WWOX: variants seen among roughly 807,000 people sequenced by gnomAD.
The protein encoded by WWOX is WW domain-containing oxidoreductase.
In WWOX, 69 loss-of-function variants were observed where a neutral mutation model predicts 46.2. The ratio of observed to expected loss-of-function variants is 1.49; its 90% CI spans 1.23 to 1.82. The LOEUF (loss-of-function observed/expected upper bound fraction) is 1.82, where lower values mean the gene tolerates loss of function less well. Among genes scored for constraint, WWOX ranks in the 40% most tolerant of loss-of-function variants. The pLI is 0.00. For missense variants in WWOX, 919 were observed against 542.6 expected, an observed-to-expected ratio of 1.69 and a Z score of -6.89; for synonymous variants, 359 against 202.6, an observed-to-expected ratio of 1.77 and a Z score of -6.56.
intron 8 of WWOX, chr16:79,110,975 T>C (rs2049405843): frequency 6.6e-6 from 1 of 152,242 alleles, no homozygotes; most frequent in Non-Finnish European, 1.5e-5. Context: ...ATGGCAGATT[T>C]TCCCCCTTCC....
At chr16:78,486,392 T>C (rs1260507517) in intron 8 of WWOX, among the ~76,000 whole-genome samples, 2 of 152,196 alleles carry the variant, frequency 1.3e-5, no homozygotes, top group African/African-American at 4.8e-5. Context: ...GAGTATGTTT[T>C]ACCTTTTTAA....
At chr16:78,570,157 A>C (rs1160272926) in intron 8 of WWOX, among the ~76,000 whole-genome samples, 1 of 152,204 alleles carries the variant, frequency 6.6e-6, no homozygotes, top group Non-Finnish European at 1.5e-5. Context: ...TGCCTTTTTT[A>C]GAAATTTAAC....
intron 8 of WWOX, among the ~76,000 whole-genome samples, chr16:78,991,053 C>G (rs962642540): frequency 2.0e-5 from 3 of 152,212 alleles, no homozygotes; most frequent in African/African-American, 7.2e-5. Flanking sequence ...GCAGGACACT[C>G]TGGGGACAAG....
At chr16:78,423,786 C>T (rs2083009038) in intron 6 of WWOX, among the ~76,000 whole-genome samples, 1 of 148,322 alleles carries the variant, frequency 6.7e-6, no homozygotes, top group East Asian at 2.0e-4. Flanking sequence ...TTTGAGACTG[C>T]AGTGAGTTAT....
chr16:78,595,645 G>A (rs1027148592), intron 8 of WWOX, among the ~76,000 whole-genome samples: 3 of 152,190 alleles, frequency 2.0e-5, no homozygotes, highest in Admixed American at 6.5e-5. Context: ...TGGATGTCTT[G>A]ATGATGAGCC....
intron 8 of WWOX, among the ~76,000 whole-genome samples, chr16:78,532,772 A>G (rs1049344905): frequency 2.0e-5 from 3 of 152,088 alleles, no homozygotes; most frequent in Non-Finnish European, 4.4e-5. Context: ...CTTATTTGCT[A>G]TTGTGAGAAC....
At chr16:79,198,127 C>A (rs963557348) in intron 8 of WWOX, among the ~76,000 whole-genome samples, 1 of 151,230 alleles carries the variant, frequency 6.6e-6, no homozygotes, top group East Asian at 2.0e-4. Flanking sequence ...GAGTTGGAGA[C>A]CAGCCTGGCC....
intron 5 of WWOX, among the ~76,000 whole-genome samples, chr16:78,224,410 A>T (rs1158928985): frequency 6.6e-6 from 1 of 151,994 alleles, no homozygotes; most frequent in Non-Finnish European, 1.5e-5. Context: ...AATTAAAAAA[A>T]AAAAAGCCAG....
intron 5 of WWOX, among the ~76,000 whole-genome samples, chr16:78,384,692 C>T (rs1055363879): frequency 6.6e-6 from 1 of 152,168 alleles, no homozygotes; most frequent in Admixed American, 6.5e-5. Flanking sequence ...CATGTTTCTC[C>T]TCCTCGTTCC....
chr16:78,417,296 T>G (rs964153654), intron 6 of WWOX, among the ~76,000 whole-genome samples: 1 of 152,120 alleles, frequency 6.6e-6, no homozygotes, highest in African/African-American at 2.4e-5. Flanking sequence ...TCTTGCTATG[T>G]TGTCCAGGTT....
At chr16:78,932,172 G>A (rs1281750859) in intron 8 of WWOX, among the ~76,000 whole-genome samples, 1 of 152,188 alleles carries the variant, frequency 6.6e-6, no homozygotes, top group African/African-American at 2.4e-5. Flanking sequence ...CGTCTGAGGG[G>A]CTTGACTCCC....
chr16:78,137,055 A>C (rs1263695771), intron 4 of WWOX, among the ~76,000 whole-genome samples: 1 of 152,124 alleles, frequency 6.6e-6, no homozygotes, highest in African/African-American at 2.4e-5. Context: ...TTCACAACAT[A>C]AGTTGGATCA....
At chr16:78,182,527 A>T (rs1325331044) in intron 5 of WWOX, among the ~76,000 whole-genome samples, 1 of 151,964 alleles carries the variant, frequency 6.6e-6, no homozygotes, top group East Asian at 1.9e-4. Context: ...TATCTTTCCC[A>T]CAAAGCTTTC....
At chr16:78,490,156 G>A (rs1419138023) in intron 8 of WWOX, among the ~76,000 whole-genome samples, 1 of 144,286 alleles carries the variant, frequency 6.9e-6, no homozygotes, top group African/African-American at 2.6e-5. Flanking sequence ...TTTTGGTTGT[G>A]GTGGCGTTGG....
At chr16:78,115,280 C>T (rs754774931) in intron 4 of WWOX, 126 bp downstream of exon 4, 107 of 1,137,036 alleles carry the variant, frequency 9.4e-5, no homozygotes, top group Non-Finnish European at 1.2e-4. Context: ...TTTCAGATAT[C>T]GTTTCATTAA....
intron 8 of WWOX, among the ~76,000 whole-genome samples, chr16:78,835,293 A>T (rs755470824): frequency 9.9e-5 from 15 of 152,236 alleles, no homozygotes; most frequent in Admixed American, 5.9e-4. Context: ...TGTAGCTTTT[A>T]TCCCTTTAAC....
chr16:78,228,339 CTTTT>C (rs34322106), intron 5 of WWOX, among the ~76,000 whole-genome samples: 177 of 111,274 alleles, frequency 1.6e-3, no homozygotes, highest in South Asian at 2.4e-3. Context: ...CATATTCTCT[CTTTT>C]TTTTTTTTTT....
At chr16:78,689,922 G>A (rs924489764) in intron 8 of WWOX, among the ~76,000 whole-genome samples, 6 of 152,012 alleles carry the variant, frequency 3.9e-5, no homozygotes, top group Admixed American at 3.9e-4. Context: ...GTGCAGTGAT[G>A]CAATCTTGGC....
intron 8 of WWOX, among the ~76,000 whole-genome samples, chr16:78,793,940 G>GA (rs1285194121): frequency 2.6e-5 from 4 of 152,034 alleles, no homozygotes; most frequent in African/African-American, 9.7e-5. Context: ...TGATATAGAA[G>GA]AGGATGTAGG....
Sources: allele counts gnomAD v4.1 joint callset (sites outside exome capture counted in the v4.1 genomes callset), GRCh38; gene constraint gnomAD v4.1.1; transcripts MANE v1.5; gene names NCBI Gene and HGNC (gene_info 2026-07-23, HGNC 2026-07-21).